Variants in BMP5 observed in about 807,000 individuals in gnomAD.
BMP5 encodes the protein bone morphogenetic protein 5.
BMP5 carries 23 observed loss-of-function variants against 46.6 expected under a neutral mutation model. That is an observed-to-expected ratio of 0.49 (90% confidence interval 0.35 to 0.70). The LOEUF is 0.70. Ranked by LOEUF, BMP5 falls within the 30% of genes least tolerant of loss-of-function variation. The pLI, the probability that BMP5 is intolerant of heterozygous loss-of-function variation, is 0.00. For missense variants in BMP5, 545 were observed against 565.6 expected (o/e 0.96, Z 0.37); for synonymous variants, 204 against 191.9 (o/e 1.06, Z -0.52).
intron 1 of BMP5, among the ~76,000 whole-genome samples, chr6:55,868,560 A>G (rs1176093984): frequency 7.4e-6 from 1 of 134,878 alleles, no homozygotes; most frequent in Non-Finnish European, 1.5e-5. Context: ...GACCTTTCTT[A>G]CTAATCTACA....
chr6:55,845,222 G>T (rs544796877), intron 1 of BMP5, among the ~76,000 whole-genome samples: 2 of 152,038 alleles, frequency 1.3e-5, no homozygotes, highest in East Asian at 1.9e-4. Flanking sequence ...TTTTTGCCGA[G>T]AAATTTCAGT....
chr6:55,841,600 G>GTT (rs148245223), intron 1 of BMP5, among the ~76,000 whole-genome samples: 1 of 150,636 alleles, frequency 6.6e-6, no homozygotes, highest in Non-Finnish European at 1.5e-5. Flanking sequence ...TCTGGTGGTG[G>GTT]TGTTTGTTTG....
At chr6:55,809,620 CAT>C (rs1266277243) in intron 2 of BMP5, among the ~76,000 whole-genome samples, 2 of 151,470 alleles carry the variant, frequency 1.3e-5, no homozygotes, top group African/African-American at 2.4e-5. Context: ...ATATTATATA[CAT>C]ATATATATGG....
At chr6:55,756,831 T>C (rs1210927955) in intron 6 of BMP5, among the ~76,000 whole-genome samples, 1 of 151,982 alleles carries the variant, frequency 6.6e-6, no homozygotes, top group Non-Finnish European at 1.5e-5. Context: ...ACATACATGA[T>C]TGATAATCCT....
At chr6:55,781,248 G>A (rs1435883004) in intron 3 of BMP5, among the ~76,000 whole-genome samples, 1 of 151,990 alleles carries the variant, frequency 6.6e-6, no homozygotes, top group Non-Finnish European at 1.5e-5. Context: ...TGAGAACAGT[G>A]AATTATTTTT....
chr6:55,871,745 A>G (rs1777792200), intron 1 of BMP5, among the ~76,000 whole-genome samples: 1 of 151,814 alleles, frequency 6.6e-6, no homozygotes, highest in Non-Finnish European at 1.5e-5. Context: ...AAAGGACAAC[A>G]CACAAGCATT....
At chr6:55,832,762 A>C (rs990740299) in intron 1 of BMP5, among the ~76,000 whole-genome samples, 2 of 152,192 alleles carry the variant, frequency 1.3e-5, no homozygotes, top group South Asian at 2.1e-4. Context: ...TCACAGTGTT[A>C]ATGCAAATTC....
intron 1 of BMP5, among the ~76,000 whole-genome samples, chr6:55,834,385 T>G (rs970317888): frequency 6.6e-6 from 1 of 152,132 alleles, no homozygotes; most frequent in African/African-American, 2.4e-5. Context: ...TTATCTGCAT[T>G]CGATTGATAA....
At chr6:55,822,632 A>T (rs563598496) in intron 1 of BMP5, among the ~76,000 whole-genome samples, 140 of 152,280 alleles carry the variant, frequency 9.2e-4, no homozygotes, top group Non-Finnish European at 1.7e-3. Context: ...ATAAAGGCTA[A>T]GACATGAGTT....
chr6:55,823,155 T>C (rs971569436), intron 1 of BMP5, among the ~76,000 whole-genome samples: 1 of 152,068 alleles, frequency 6.6e-6, no homozygotes, highest in Non-Finnish European at 1.5e-5. Flanking sequence ...CTAAAGTTTA[T>C]TATAAATCTT....
chr6:55,763,789 T>C (rs2127517029), intron 4 of BMP5, among the ~76,000 whole-genome samples: 1 of 152,300 alleles, frequency 6.6e-6, no homozygotes, highest in Non-Finnish European at 1.5e-5. Flanking sequence ...ATAGTAATAA[T>C]ATTAGGAAGC....
chr6:55,829,258 A>T (rs1264642697), intron 1 of BMP5, among the ~76,000 whole-genome samples: 2 of 151,794 alleles, frequency 1.3e-5, no homozygotes, highest in African/African-American at 4.8e-5. Context: ...TTACTACCGT[A>T]CACTCTTCCT....
rs780305855 is a variant in BMP5 at position 55,794,291 on chromosome 6, C to T, written c.820G>A (p.Glu274Lys). 6.2e-7 allele frequency: 1 copy of T among 1,613,964 alleles called. No homozygotes were observed. Among genetic ancestry groups the T allele is most frequent in the South Asian group, 1.1e-5 (1 of 91,074 alleles). Residue 274 changes from glutamate to lysine, a missense_variant, in exon 3 of 7, where the codon GAA becomes AAA. Glu to Lys is a moderately conservative substitution (Grantham distance 56). Transcript: ENST00000370830. The part of the protein sequence containing the change: ...QNNLGLQLCA[E>K]TGDGRSINVK... Reference sequence around the variant, plus strand: ...ATTCAGTGCTTACCATCCCCTGTTTCTGCACAGAGCTGTAAGCCCAAATTA... The same window carrying T: ...ATTCAGTGCTTACCATCCCCTGTTTTTGCACAGAGCTGTAAGCCCAAATTA...
At chr6:55,870,364 A>G (rs1274096607) in intron 1 of BMP5, among the ~76,000 whole-genome samples, 1 of 152,158 alleles carries the variant, frequency 6.6e-6, no homozygotes, top group Non-Finnish European at 1.5e-5. Flanking sequence ...AAGAAGAGAG[A>G]AAAAGGTCTC....
intron 1 of BMP5, among the ~76,000 whole-genome samples, chr6:55,822,262 C>T (rs1210276148): frequency 6.6e-6 from 1 of 152,098 alleles, no homozygotes; most frequent in Non-Finnish European, 1.5e-5. Context: ...ATTTACAAGT[C>T]CAAAATCCAA....
chr6:55,831,513 A>C (rs777617015), intron 1 of BMP5, among the ~76,000 whole-genome samples: 2 of 152,130 alleles, frequency 1.3e-5, no homozygotes, highest in African/African-American at 2.4e-5. Flanking sequence ...ATAGAAATAG[A>C]AACAGTCAAT....
chr6:55,834,093 A>C (rs1776727570), intron 1 of BMP5, among the ~76,000 whole-genome samples: 1 of 152,158 alleles, frequency 6.6e-6, no homozygotes, highest in South Asian at 2.1e-4. Flanking sequence ...TGGGGAACAA[A>C]GGGTAACTTC....
At chr6:55,767,012 GTTTA>G (rs1384586069) in intron 4 of BMP5, among the ~76,000 whole-genome samples, 1 of 152,006 alleles carries the variant, frequency 6.6e-6, no homozygotes, top group Non-Finnish European at 1.5e-5. Flanking sequence ...TATAATGGGA[GTTTA>G]TTTGATATTG....
chr6:55,775,448 A>G (rs1775152553), intron 3 of BMP5, among the ~76,000 whole-genome samples: 1 of 151,976 alleles, frequency 6.6e-6, no homozygotes, highest in African/African-American at 2.4e-5. Flanking sequence ...TGGTTCAATG[A>G]AAATCATTCA....
Sources: allele counts gnomAD v4.1 joint callset (sites outside exome capture counted in the v4.1 genomes callset), GRCh38; gene constraint gnomAD v4.1.1; transcripts MANE v1.5; gene names NCBI Gene and HGNC (gene_info 2026-07-23, HGNC 2026-07-21).